Variants in C19orf44 observed in about 807,000 individuals in gnomAD.
C19orf44 encodes uncharacterized protein C19orf44.
Under a neutral mutation model 50.7 loss-of-function variants are expected in C19orf44, and 43 were observed. That is an observed-to-expected ratio of 0.85 (90% confidence interval 0.66 to 1.09). C19orf44 has a LOEUF of 1.09. C19orf44 is among the 50% of genes least tolerant of loss of function. The probability of loss-of-function intolerance (pLI) is 0.00; values close to 1 mark genes in which losing one functional copy is unlikely to be tolerated. For synonymous variants in C19orf44, 298 were observed against 334.7 expected, an observed-to-expected ratio of 0.89 and a Z score of 1.20; for missense variants, 722 against 836.2, an observed-to-expected ratio of 0.86 and a Z score of 1.68.
chr19:16,508,869 G>T (rs1329360327), intron 4 of C19orf44, among the ~76,000 whole-genome samples: 1 of 151,576 alleles, frequency 6.6e-6, no homozygotes, highest in Admixed American at 6.6e-5. Context: ...TGCCCAGGCC[G>T]GAGTGCAATG....
rs758075001 is a variant in C19orf44 at position 16,503,273 on chromosome 19, CAG to C, written c.969_970del (p.Ser325PhefsTer16). The stretch of plus-strand genomic sequence containing the variant: ...TCCATCACAGGCGCCTTTTCAAACT[CAG>C]TGTCTTTAAAGATGGGGCATGTCAA... On this transcript the variant is annotated frameshift_variant, in exon 3 of 9. Coordinates refer to ENST00000221671, the MANE Select transcript of C19orf44 (RefSeq NM_032207.4). LOFTEE classifies it high-confidence loss of function. 393 of 1,614,046 alleles carry C rather than the reference CAG, an allele frequency of 2.4e-4. No individual in the cohort carries two copies. The highest frequency in any genetic ancestry group is 3.3e-4 in the Non-Finnish European group (385 of 1,180,048).
intron 2 of C19orf44, 109 bp from the exon 3 acceptor site, chr19:16,502,956 C>T: frequency 9.6e-7 from 1 of 1,036,992 alleles, no homozygotes; most frequent in Non-Finnish European, 1.4e-6. Flanking sequence ...CACTGCCCTC[C>T]AGCCTAGGCA....
intron 8 of C19orf44, 117 bp downstream of exon 8, chr19:16,517,458 C>T: frequency 1.4e-6 from 1 of 698,950 alleles, no homozygotes; most frequent in Non-Finnish European, 2.4e-6. Flanking sequence ...GACACACACA[C>T]ACACAGTCAG....
chr19:16,507,277 T>C (rs1268565826), intron 4 of C19orf44, among the ~76,000 whole-genome samples: 2 of 152,026 alleles, frequency 1.3e-5, no homozygotes, highest in Admixed American at 1.3e-4. Context: ...AGCTGGTGAT[T>C]AAAGCACATC....
intron 7 of C19orf44, among the ~76,000 whole-genome samples, chr19:16,516,428 A>G (rs984079129): frequency 1.3e-5 from 2 of 152,168 alleles, no homozygotes; most frequent in Non-Finnish European, 2.9e-5. Flanking sequence ...AAACAACCAT[A>G]ATGCAATAAT....
Position 16,518,839 on chromosome 19 carries a change from C to A in C19orf44, c.*41-1255C>A, listed in dbSNP as rs963367762. On this transcript the variant is annotated intron_variant, in intron 8 of 8. Transcript: ENST00000221671. Reference sequence around the variant, plus strand: ...TTCAATCTGACTTAGGGCAGATGCACATCCATCCCTTCGTGGCTGAAGAAT... The same window carrying A: ...TTCAATCTGACTTAGGGCAGATGCAAATCCATCCCTTCGTGGCTGAAGAAT... The A allele has an allele frequency of 4.8e-5, 17 of 354,602 alleles. No individual in the cohort carries two copies. In the East Asian group the frequency reaches 1.2e-3, roughly 26 times the overall value. 22.0% of individuals were successfully genotyped at this position (354,602 alleles called of 1,614,324 possible).
intron 1 of C19orf44, among the ~76,000 whole-genome samples, chr19:16,498,952 G>A (rs776445593): frequency 6.6e-6 from 1 of 152,176 alleles, no homozygotes; most frequent in Non-Finnish European, 1.5e-5. Flanking sequence ...TTACAGGCGT[G>A]AGCCACCACG....
rs967886 is a variant in C19orf44, at chr19:16,496,422, G to C, written c.-45G>C. The C allele has an allele frequency of 0.85, 384,445 of 450,926 alleles. 164,349 individuals carry two copies. Among genetic ancestry groups the C allele is most frequent in the South Asian group, 0.88 (38,526 of 43,552 alleles). The allele number at this position is 450,926 out of a possible 1,614,324, so 27.9% of individuals were successfully genotyped here. ...GCCCAGGGCAACCGCTCCTTCAGGCGTGAATGTGGCGGCTGCCTCTGCGAA... is the reference window on the plus strand; with the variant it reads ...GCCCAGGGCAACCGCTCCTTCAGGCCTGAATGTGGCGGCTGCCTCTGCGAA... On this transcript the variant is annotated 5_prime_UTR_variant, in exon 1 of 9. Transcript: ENST00000221671.
Position 16,521,338 on chromosome 19 carries a change from C to T in C19orf44, c.*1285C>T, listed in dbSNP as rs967088298. The T allele has an allele frequency of 8.5e-6, 5 of 590,316 alleles. No individual in the cohort carries two copies. The highest frequency in any genetic ancestry group is 1.9e-5 in the African/African-American group (1 of 53,658). The allele number at this position is 590,316 out of a possible 1,614,324, so 36.6% of individuals were successfully genotyped here. ...TTCTTCTGATGTGTCTCCATTAAAA[C>T]GCCCTTCATTGAGGGCCACGTGTGT... is the stretch of plus-strand genomic sequence containing the variant. On this transcript the variant is annotated 3_prime_UTR_variant, in exon 9 of 9. Transcript: ENST00000221671.
chr19:16,510,186 C>G lies in C19orf44; in HGVS notation c.1639+198C>G, dbSNP rs542599595. ...CTTTGGGAGGCCGAGGCGGGAGGAT[C>G]ACTTGAGGTCAGGAGTTCAAGACCA... On this transcript the variant is annotated intron_variant, in intron 5 of 8. Coordinates refer to ENST00000221671, the MANE Select transcript of C19orf44 (RefSeq NM_032207.4). 4.0e-4 allele frequency: 275 copies of G among 684,454 alleles called. No homozygotes were observed. In the African/African-American group the frequency reaches 4.5e-3, roughly 11 times the overall value. 42.4% of individuals were successfully genotyped at this position (684,454 alleles called of 1,614,324 possible).
At chr19:16,514,155 T>A (rs1460299558) in intron 6 of C19orf44, among the ~76,000 whole-genome samples, 1 of 129,644 alleles carries the variant, frequency 7.7e-6, no homozygotes, top group Middle Eastern at 3.8e-3. Context: ...ACCTGGCTAA[T>A]TTTTTTTTTT....
At chr19:16,511,562 C>A (rs1329751202) in intron 5 of C19orf44, among the ~76,000 whole-genome samples, 1 of 151,842 alleles carries the variant, frequency 6.6e-6, no homozygotes, top group Non-Finnish European at 1.5e-5. Context: ...TTAAACATTC[C>A]CATGTTATTA....
At position 16,519,560 on chromosome 19, in the gene C19orf44, G is replaced by T; in HGVS notation, c.*41-534G>T. 1.4e-6 allele frequency: 2 copies of T among 1,452,632 alleles called. No homozygotes were observed. The highest frequency in any genetic ancestry group is 2.3e-5 in the South Asian group (2 of 87,582). 90.0% of individuals were successfully genotyped at this position (1,452,632 alleles called of 1,614,324 possible). A position where few individuals can be genotyped will look rare whatever the true frequency, so the allele number is the denominator to read the frequency against. On this transcript the variant is annotated intron_variant, in intron 8 of 8. Transcript: ENST00000221671. This position sits in a 1 kb window ranked among gnomAD's most constrained non-coding sequence, Gnocchi z 6.0. The stretch of plus-strand genomic sequence containing the variant: ...GCACTGAGGAAGAGAAAGCGCTGGT[G>T]ACTCCCGGGCCCAGCACGCGTGAGG...
rs567354580 is a variant in C19orf44, at chr19:16,519,055, C to G, written c.*41-1039C>G. 3.4e-4 allele frequency: 343 copies of G among 1,017,856 alleles called. 9 individuals are homozygous for G. The South Asian group carries it at 5.0e-3, about 15-fold the overall frequency. 63.1% of individuals were successfully genotyped at this position (1,017,856 alleles called of 1,614,324 possible). ...TCCTGTGGCTCTCCACAAGTGGAGA[C>G]GGTGTAAGAACTGAGCTGTCACTGC... is the stretch of plus-strand genomic sequence containing the variant. On this transcript the variant is annotated intron_variant, in intron 8 of 8. Transcript: ENST00000221671. The surrounding 1 kb of genome is among the most constrained non-coding windows in gnomAD (Gnocchi z 6.0).
Position 16,506,138 on chromosome 19 carries a change from G to A in C19orf44, c.1076-563G>A, listed in dbSNP as rs557131389. On this transcript the variant is annotated intron_variant, in intron 3 of 8. Coordinates refer to ENST00000221671, the MANE Select transcript of C19orf44 (RefSeq NM_032207.4). ...CTACAGGCACCCGCCACCACGCCTGGCTAATTTTTTGTATTTTTAGTAGAG... is the reference window on the plus strand; with the variant it reads ...CTACAGGCACCCGCCACCACGCCTGACTAATTTTTTGTATTTTTAGTAGAG... 5.3e-5 allele frequency among the ~76,000 whole-genome samples: 8 copies of A among 152,036 alleles called. No individual in the cohort carries two copies. In the South Asian group the frequency reaches 1.5e-3, roughly 28 times the overall value.
At position 16,520,740 on chromosome 19, in the gene C19orf44, G is replaced by A. The variant is rs1266373131; in HGVS notation, c.*687G>A. 7 of 1,344,684 alleles carry A rather than the reference G, an allele frequency of 5.2e-6. No individual in the cohort carries two copies. The highest frequency in any genetic ancestry group is 1.4e-5 in the African/African-American group (1 of 69,592). The allele number at this position is 1,344,684 out of a possible 1,614,324, so 83.3% of individuals were successfully genotyped here. A position where few individuals can be genotyped will look rare whatever the true frequency, so the allele number is the denominator to read the frequency against. ...AGGCACAGGCTGTGTGAGGGTGGAC[G>A]TGATGAGTGTATCTGGGGTCTGCTC... On this transcript the variant is annotated 3_prime_UTR_variant, in exon 9 of 9. Coordinates refer to ENST00000221671, the MANE Select transcript of C19orf44 (RefSeq NM_032207.4). The surrounding 1 kb of genome is among the most constrained non-coding windows in gnomAD (Gnocchi z 4.0).
At chr19:16,498,105 CA>C (rs2093415056) in intron 1 of C19orf44, among the ~76,000 whole-genome samples, 1 of 152,102 alleles carries the variant, frequency 6.6e-6, no homozygotes. Flanking sequence ...GAGCCTGTCT[CA>C]AAACAAAACA....
At position 16,520,178 on chromosome 19, in the gene C19orf44, G is replaced by C; in HGVS notation, c.*125G>C. ...GGGTGGGGCTCCTGGACCGTGACCG[G>C]CGTCTTCTTCCTGGGGAGTACGACT... On this transcript the variant is annotated 3_prime_UTR_variant, in exon 9 of 9. Transcript: ENST00000221671. The surrounding 1 kb of genome is among the most constrained non-coding windows in gnomAD (Gnocchi z 4.0). 1 of 1,613,092 alleles carries C rather than the reference G, an allele frequency of 6.2e-7. No individual in the cohort carries two copies. Among genetic ancestry groups the C allele is most frequent in the African/African-American group, 1.3e-5 (1 of 75,054 alleles).
chr19:16,520,240 TGGA>T lies in C19orf44; in HGVS notation c.*192_*194del. 1 of 1,613,416 alleles carries T rather than the reference TGGA, an allele frequency of 6.2e-7. No homozygotes were observed. Among genetic ancestry groups the T allele is most frequent in the Non-Finnish European group, 8.5e-7 (1 of 1,180,008 alleles). ...CGCGACTGGGACCGGGAGCGGCTTC[TGGA>T]GGAGCGCGACCTGCTCCGACTTCTG... On this transcript the variant is annotated 3_prime_UTR_variant, in exon 9 of 9. Coordinates refer to ENST00000221671, the MANE Select transcript of C19orf44 (RefSeq NM_032207.4). This position sits in a 1 kb window ranked among gnomAD's most constrained non-coding sequence, Gnocchi z 4.0.
Sources: gnomAD v4.1 joint callset for allele counts (sites outside exome capture counted in the v4.1 genomes callset) on GRCh38, gnomAD v4.1.1 for gene constraint, Gnocchi (gnomAD v3.1) non-coding constraint, MANE v1.5 for transcripts, NCBI Gene and HGNC (gene_info 2026-07-23, HGNC 2026-07-21) for gene names.